DDX60: variants seen among roughly 807,000 people sequenced by gnomAD.
DDX60 encodes the protein probable ATP-dependent RNA helicase DDX60.
In DDX60, 165 loss-of-function variants were observed where a neutral mutation model predicts 212.8. That is an observed-to-expected ratio of 0.78 (90% CI 0.68 to 0.88). The LOEUF is 0.88. DDX60 is among the 40% of genes least tolerant of loss of function. The pLI is 0.00. For missense variants in DDX60, 1,905 were observed against 2,003.9 expected (o/e 0.95, Z 0.94); for synonymous variants, 703 against 685.3 (o/e 1.03, Z -0.40).
At chr4:168,280,747 C>A (rs978181999) in intron 13 of DDX60, among the ~76,000 whole-genome samples, 157 bp from the exon 14 acceptor site, 1 of 152,140 alleles carries the variant, frequency 6.6e-6, no homozygotes, top group South Asian at 2.1e-4. Flanking sequence ...GGAAATTAAG[C>A]CTCTGTTAAT....
At chr4:168,270,073 T>C (rs1579026476) in intron 19 of DDX60, among the ~76,000 whole-genome samples, 1 of 152,188 alleles carries the variant, frequency 6.6e-6, no homozygotes, top group Non-Finnish European at 1.5e-5. Context: ...GTTTATTTCC[T>C]CTTTCTTGAT....
chr4:168,279,603 C>T (rs1735500712), intron 14 of DDX60, among the ~76,000 whole-genome samples: 2 of 152,148 alleles, frequency 1.3e-5, no homozygotes, highest in Admixed American at 6.5e-5. Context: ...GGAGTAAAGT[C>T]CTGAGTGATA....
rs1192366608 is a variant in DDX60, at chr4:168,216,842, A to T, written c.*91T>A. The T allele has an allele frequency of 2.7e-6, 2 of 740,432 alleles. No individual in the cohort carries two copies. Among genetic ancestry groups the T allele is most frequent in the East Asian group, 5.7e-5 (2 of 35,090 alleles). 45.9% of individuals were successfully genotyped at this position (740,432 alleles called of 1,614,324 possible). A position where few individuals can be genotyped will look rare whatever the true frequency, so the allele number is the denominator to read the frequency against. On this transcript the variant is annotated 3_prime_UTR_variant, in exon 38 of 38. Coordinates refer to ENST00000393743, the MANE Select transcript of DDX60 (RefSeq NM_017631.6). ...CGTAATGTATTTCCACTTTATCATAATGTATTTCTGGCAAGAAGCATAAGA... is the reference window on the plus strand; with the variant it reads ...CGTAATGTATTTCCACTTTATCATATTGTATTTCTGGCAAGAAGCATAAGA...
At chr4:168,223,262 A>G (rs543403985) in intron 35 of DDX60, among the ~76,000 whole-genome samples, 5 of 152,186 alleles carry the variant, frequency 3.3e-5, no homozygotes, top group African/African-American at 1.2e-4. Context: ...ATATATTTGT[A>G]TGTACGCTTA....
upstream of DDX60, among the ~76,000 whole-genome samples, chr4:168,322,670 C>A (rs1737629490): frequency 6.6e-6 from 1 of 152,192 alleles, no homozygotes. Context: ...CTCTTCTCTC[C>A]ATTGGTGAGG....
intron 24 of DDX60, among the ~76,000 whole-genome samples, chr4:168,261,408 G>A (rs971091722): frequency 9.2e-5 from 14 of 151,968 alleles, no homozygotes; most frequent in Non-Finnish European, 2.1e-4. Flanking sequence ...ATTATATTAT[G>A]TTTTTGAATG....
rs1256162070 is a variant in DDX60, at chr4:168,284,850, C to A, written c.1531G>T (p.Asp511Tyr). 6.3e-7 allele frequency: 1 copy of A among 1,581,260 alleles called. No homozygotes were observed. Among genetic ancestry groups the A allele is most frequent in the East Asian group, 2.2e-5 (1 of 44,524 alleles). Reference protein sequence around the residue: ...HWHSHKPLSDDYDRSRCQFDE... With the variant: ...HWHSHKPLSDYYDRSRCQFDE... The stretch of plus-strand genomic sequence containing the variant: ...AACTGACACCTGGACCTGTCATAAT[C>A]ATCACTCAGGGGTTTATGAGAATGC... The change falls in exon 12 of 38, where the codon GAT (aspartate) becomes TAT (tyrosine). Residue 511 changes from aspartate (D) to tyrosine (Y), a missense_variant. By Grantham distance (160) the Asp-to-Tyr change is radical. Transcript: ENST00000393743.
intron 13 of DDX60, among the ~76,000 whole-genome samples, chr4:168,281,643 T>C (rs1327230006): frequency 6.6e-6 from 1 of 152,228 alleles, no homozygotes; most frequent in Non-Finnish European, 1.5e-5. Context: ...ACTATGCTTT[T>C]ACCAACCTGA....
intron 33 of DDX60, 34 bp from the exon 34 acceptor site, chr4:168,225,710 T>G: frequency 6.3e-7 from 1 of 1,590,142 alleles, no homozygotes; most frequent in Non-Finnish European, 8.5e-7. Context: ...GAGATAGATC[T>G]ATTTACCTTC....
intron 6 of DDX60, among the ~76,000 whole-genome samples, chr4:168,296,049 T>C (rs1319914922): frequency 6.6e-6 from 1 of 151,990 alleles, no homozygotes; most frequent in Non-Finnish European, 1.5e-5. Flanking sequence ...AACTTTCAGA[T>C]AAAAAAGAGG....
At chr4:168,257,071 T>G (rs1003269452) in intron 25 of DDX60, among the ~76,000 whole-genome samples, 5 of 152,214 alleles carry the variant, frequency 3.3e-5, no homozygotes, top group Non-Finnish European at 5.9e-5. Flanking sequence ...ATGCCTGTAA[T>G]CTCAGCACTT....
At chr4:168,236,827 C>T (rs1480847781) in intron 32 of DDX60, among the ~76,000 whole-genome samples, 2 of 151,506 alleles carry the variant, frequency 1.3e-5, no homozygotes, top group African/African-American at 4.8e-5. Context: ...TTTAGGTATA[C>T]TATACAATAA....
intron 33 of DDX60, among the ~76,000 whole-genome samples, chr4:168,230,908 T>C (rs1408062771): frequency 6.6e-6 from 1 of 151,976 alleles, no homozygotes; most frequent in Non-Finnish European, 1.5e-5. Context: ...AACTAAAAGC[T>C]GGTTCTTTGA....
In DDX60 at chr4:168,297,301, A is replaced by C. The variant is rs866147074; in HGVS notation, c.724-3356T>G. On this transcript the variant is annotated intron_variant, in intron 6 of 37. Transcript: ENST00000393743. The stretch of plus-strand genomic sequence containing the variant: ...AGAAAGAAAGAGAGAGAGAGACGAA[A>C]GAAAGAAAGAAAGAAAGAAAGAAAG... 3.6e-3 allele frequency among the ~76,000 whole-genome samples: 25 copies of C among 6,976 alleles called. 2 individuals are homozygous for C. The highest frequency in any genetic ancestry group is 0.026 in the African/African-American group (21 of 796). 4.6% of individuals were successfully genotyped at this position (6,976 alleles called of 152,430 possible). A position where few individuals can be genotyped will look rare whatever the true frequency, so the allele number is the denominator to read the frequency against.
intron 37 of DDX60, among the ~76,000 whole-genome samples, chr4:168,219,871 T>A (rs890527766): frequency 1.3e-5 from 2 of 151,896 alleles, no homozygotes; most frequent in African/African-American, 4.8e-5. Context: ...ACCCCCTCGC[T>A]ACTAAAAATA....
chr4:168,219,716 T>A (rs1297790539), intron 37 of DDX60, among the ~76,000 whole-genome samples: 1 of 152,012 alleles, frequency 6.6e-6, no homozygotes, highest in Admixed American at 6.6e-5. Context: ...AAGTATTGAG[T>A]TGCATGCAGA....
In DDX60 at chr4:168,252,527, T is replaced by C. The variant is rs1734256934; in HGVS notation, c.3687A>G (p.Gln1229=). 1 of 1,613,758 alleles carries C rather than the reference T, an allele frequency of 6.2e-7. No individual in the cohort carries two copies. Among genetic ancestry groups the C allele is most frequent in the African/African-American group, 1.3e-5 (1 of 74,926 alleles). ...TGCTGACCTCAGTGTCCACTGCTTTTTGATCAGCATATGTGCAGTCCTGTG... is the reference window on the plus strand; with the variant it reads ...TGCTGACCTCAGTGTCCACTGCTTTCTGATCAGCATATGTGCAGTCCTGTG... The part of the protein sequence containing the change: ...EIPQDCTYAD[Q]KAVDTETLQK... The change falls in exon 27 of 38, where the codon CAA becomes CAG. Residue 1229 remains glutamine, a synonymous_variant. Coordinates refer to ENST00000393743, the MANE Select transcript of DDX60 (RefSeq NM_017631.6).
chr4:168,302,756 C>G (rs571081056), intron 5 of DDX60, among the ~76,000 whole-genome samples: 39 of 152,206 alleles, frequency 2.6e-4, no homozygotes, highest in Middle Eastern at 3.4e-3. Flanking sequence ...TAGAACACTT[C>G]CAGCACCCTC....
At position 168,250,967 on chromosome 4, in the gene DDX60, T is replaced by A; in HGVS notation, c.3845A>T (p.Lys1282Ile). ...EKQLVEILFR[K>I]GYLRVVTATG... ...AAATTCACCTACCCTAAGATATCCT[T>A]TTCTAAAGAGGATTTCAACTAATTG... is the stretch of plus-strand genomic sequence containing the variant. Residue 1282 changes from lysine to isoleucine, a missense_variant, in exon 28 of 38, where the codon AAA (lysine) becomes ATA (isoleucine). Physicochemically the swap from Lys to Ile is moderately radical, Grantham distance 102. Transcript: ENST00000393743. 1 of 1,598,880 alleles carries A rather than the reference T, an allele frequency of 6.3e-7. No homozygotes were observed. The highest frequency in any genetic ancestry group is 8.5e-7 in the Non-Finnish European group (1 of 1,173,064).
Sources: allele counts gnomAD v4.1 joint callset (sites outside exome capture counted in the v4.1 genomes callset), GRCh38; gene constraint gnomAD v4.1.1; transcripts MANE v1.5; gene names NCBI Gene and HGNC (gene_info 2026-07-23, HGNC 2026-07-21).